Variants in KIAA0753 observed in about 807,000 individuals in gnomAD.
KIAA0753 encodes the protein KIAA0753.
KIAA0753 carries 114 observed loss-of-function variants against 116.9 expected under a neutral mutation model. The observed-to-expected ratio is 0.98, with a 90% CI of 0.84 to 1.14. The LOEUF (loss-of-function observed/expected upper bound fraction) is 1.14, where lower values mean the gene tolerates loss of function less well. Among genes scored for constraint, KIAA0753 ranks in the 50% most tolerant of loss-of-function variants. KIAA0753 has a pLI of 0.00. For synonymous variants in KIAA0753, 405 were observed against 413.1 expected (o/e 0.98, Z 0.24); for missense variants, 1,156 against 1,172.4 (o/e 0.99, Z 0.20).
At chr17:6,606,277 G>A (rs56235038) in intron 12 of KIAA0753, among the ~76,000 whole-genome samples, 11,824 of 152,256 alleles carry the variant, frequency 0.078, 535 homozygotes, top group Non-Finnish European at 0.11. Flanking sequence ...AATGGTGACA[G>A]AATGCACAGA....
chr17:6,627,489 CTACTTGTTAGTTACGG>C (rs751242516), intron 3 of KIAA0753, among the ~76,000 whole-genome samples: 3 of 152,108 alleles, frequency 2.0e-5, no homozygotes, highest in Non-Finnish European at 4.4e-5. Flanking sequence ...GCTTGGTTCC[CTACTTGTTAGTTACGG>C]TAACCCCAAA....
chr17:6,591,065 GAAGAAGAAGAAGAA>G (rs1567540890), intron 16 of KIAA0753, among the ~76,000 whole-genome samples: 17 of 80,804 alleles, frequency 2.1e-4, no homozygotes, highest in Middle Eastern at 5.7e-3. Context: ...AGAAGAAGAA[GAAGAAGAAGAAGAA>G]GAAGAAGAAG....
intron 12 of KIAA0753, among the ~76,000 whole-genome samples, chr17:6,605,799 G>A (rs1970160421): frequency 6.6e-6 from 1 of 152,152 alleles, no homozygotes; most frequent in Non-Finnish European, 1.5e-5. Context: ...CGATGGTGGT[G>A]CGTGGATGTT....
Position 6,635,168 on chromosome 17 carries a change from A to G in KIAA0753, c.-65T>C. 1 of 1,245,196 alleles carries G rather than the reference A, an allele frequency of 8.0e-7. No homozygotes were observed. Among genetic ancestry groups the G allele is most frequent in the Admixed American group, 1.7e-5 (1 of 58,232 alleles). The allele number at this position is 1,245,196 out of a possible 1,614,324, so 77.1% of individuals were successfully genotyped here. On this transcript the variant is annotated 5_prime_UTR_variant, in exon 2 of 19. The change abolishes an upstream ATG in the 5' untranslated region. Transcript: ENST00000361413. ...TCCGGCAACAGTCTTCCCTAAAACC[A>G]TTCCTAAAACGAAACAAAGCTACTT...
chr17:6,633,877 G>A (rs1275492233), intron 2 of KIAA0753, among the ~76,000 whole-genome samples: 1 of 152,116 alleles, frequency 6.6e-6, no homozygotes, highest in African/African-American at 2.4e-5. Flanking sequence ...TGCCTCTGGA[G>A]GGGAGGAGTG....
At chr17:6,611,107 G>A (rs1453191170) in intron 8 of KIAA0753, among the ~76,000 whole-genome samples, 1 of 152,218 alleles carries the variant, frequency 6.6e-6, no homozygotes, top group Non-Finnish European at 1.5e-5. Flanking sequence ...TATTCGACCA[G>A]GAGGTGGTCT....
intron 7 of KIAA0753, among the ~76,000 whole-genome samples, chr17:6,615,632 A>C (rs1003588647): frequency 1.3e-5 from 2 of 151,610 alleles, no homozygotes; most frequent in East Asian, 1.9e-4. Context: ...AAAAAAAAAA[A>C]AAAAAAAAAA....
At chr17:6,625,426 G>T (rs1198860331) in intron 3 of KIAA0753, among the ~76,000 whole-genome samples, 1 of 152,080 alleles carries the variant, frequency 6.6e-6, no homozygotes, top group Admixed American at 6.5e-5. Context: ...CAGCACTTTG[G>T]GAGGCTGAGA....
intron 1 of KIAA0753, chr17:6,638,209 G>T (rs1198881900): frequency 6.6e-6 from 1 of 151,730 alleles, no homozygotes; most frequent in African/African-American, 2.4e-5. Context: ...CTGAGCCACG[G>T]GTCCCCCTGA....
chr17:6,619,573 T>C (rs1423820974), intron 7 of KIAA0753, among the ~76,000 whole-genome samples: 3 of 152,054 alleles, frequency 2.0e-5, no homozygotes, highest in African/African-American at 7.2e-5. Flanking sequence ...ATCACAGGCA[T>C]GAGCCACCAC....
chr17:6,628,259 G>A lies in KIAA0753; in HGVS notation c.576C>T (p.Pro192=), dbSNP rs1229938296. The stretch of plus-strand genomic sequence containing the variant: ...GAGGCTGAAGTCCCGGATCATGGGT[G>A]GGTGGCGAATTTGGCACAGTAAGAT... ...QSDLTVPNSP[P]THDPGLQPHP... The change falls in exon 3 of 19, where the codon CCC becomes CCT. Residue 192 remains proline, a synonymous_variant. Coordinates refer to ENST00000361413, the MANE Select transcript of KIAA0753 (RefSeq NM_014804.3). 6.2e-7 allele frequency: 1 copy of A among 1,614,040 alleles called. No individual in the cohort carries two copies. Among genetic ancestry groups the A allele is most frequent in the Admixed American group, 1.7e-5 (1 of 59,992 alleles).
intron 8 of KIAA0753, among the ~76,000 whole-genome samples, chr17:6,610,543 C>T (rs1970473413): frequency 1.0e-5 from 1 of 99,990 alleles, no homozygotes; most frequent in African/African-American, 4.0e-5. Flanking sequence ...TTTTAAGAGA[C>T]AGGGTCTTGC....
intron 2 of KIAA0753, 115 bp from the exon 3 acceptor site, chr17:6,628,856 G>T: frequency 1.0e-6 from 1 of 1,001,874 alleles, no homozygotes; most frequent in Non-Finnish European, 1.4e-6. Flanking sequence ...GTGCTAAGAG[G>T]CATTTTTCTG....
At chr17:6,636,047 C>A (rs1372517151) in intron 1 of KIAA0753, 1 of 152,166 alleles carries the variant, frequency 6.6e-6, no homozygotes, top group Non-Finnish European at 1.5e-5. Context: ...TTTCTGTGAA[C>A]TGACTAGTTT....
chr17:6,628,686 C>T lies in KIAA0753; in HGVS notation c.149G>A (p.Arg50Gln), dbSNP rs762692741. The change falls in exon 3 of 19, where the codon CGA (arginine) becomes CAA (glutamine). Residue 50 changes from arginine (R) to glutamine (Q), a missense_variant. Transcript: ENST00000361413. The part of the protein sequence containing the change: ...VPTHSSNLAI[R>Q]YSCPHAIRIE... ...TCTAATGGCATGTGGGCAAGAATATCGGATCGCCAAGTTGCTTGAATGTGT... is the reference window on the plus strand; with the variant it reads ...TCTAATGGCATGTGGGCAAGAATATTGGATCGCCAAGTTGCTTGAATGTGT... 5.0e-6 allele frequency: 8 copies of T among 1,613,416 alleles called. No individual in the cohort carries two copies. Among genetic ancestry groups the T allele is most frequent in the South Asian group, 4.4e-5 (4 of 90,916 alleles).
At chr17:6,629,695 C>T (rs557283886) in intron 2 of KIAA0753, among the ~76,000 whole-genome samples, 2 of 152,262 alleles carry the variant, frequency 1.3e-5, no homozygotes, top group African/African-American at 2.4e-5. Context: ...CCTGTGATGC[C>T]GTGACCTTGG....
intron 18 of KIAA0753, among the ~76,000 whole-genome samples, chr17:6,589,154 TG>T (rs1436316030): frequency 6.6e-6 from 1 of 152,202 alleles, no homozygotes; most frequent in African/African-American, 2.4e-5. Flanking sequence ...ACCCCCAATG[TG>T]GTAGTATCTG....
At chr17:6,626,621 C>T (rs1028437954) in intron 3 of KIAA0753, among the ~76,000 whole-genome samples, 3 of 151,404 alleles carry the variant, frequency 2.0e-5, no homozygotes, top group Admixed American at 6.6e-5. Context: ...AATGGGCCTT[C>T]GGGGCTACTT....
At chr17:6,606,562 C>T (rs1043153750) in intron 12 of KIAA0753, among the ~76,000 whole-genome samples, 8 of 152,226 alleles carry the variant, frequency 5.3e-5, no homozygotes, top group Non-Finnish European at 1.2e-4. Context: ...CATCTTCTGC[C>T]CTTAGAAGGA....
Sources: gnomAD v4.1 joint callset for allele counts (sites outside exome capture counted in the v4.1 genomes callset) on GRCh38, gnomAD v4.1.1 for gene constraint, MANE v1.5 for transcripts, NCBI Gene and HGNC (gene_info 2026-07-23, HGNC 2026-07-21) for gene names.